Variants in PSMA6 observed in about 807,000 individuals in gnomAD.
PSMA6 encodes the protein proteasome 20S subunit alpha 6.
For missense variants in PSMA6, 170 were observed against 294.8 expected, an observed-to-expected ratio of 0.58 and a Z score of 3.10; for synonymous variants, 88 against 97.7, an observed-to-expected ratio of 0.90 and a Z score of 0.59.
intron 3 of PSMA6, chr14:35,310,188 G>T: frequency 2.8e-6 from 1 of 354,266 alleles, no homozygotes; most frequent in East Asian, 9.0e-5. Flanking sequence ...TCTCTCTCAA[G>T]GCCTTTTTTT....
At position 35,317,381 on chromosome 14, in the gene PSMA6, GGTCCCTGGATT is replaced by G; in HGVS notation, c.*77_*87del. 1 of 1,350,772 alleles carries G rather than the reference GGTCCCTGGATT, an allele frequency of 7.4e-7. No individual in the cohort carries two copies. The highest frequency in any genetic ancestry group is 1.4e-5 in the African/African-American group (1 of 69,594). 83.7% of individuals were successfully genotyped at this position (1,350,772 alleles called of 1,614,324 possible). On this transcript the variant is annotated 3_prime_UTR_variant, in exon 7 of 7. Coordinates refer to ENST00000261479, the MANE Select transcript of PSMA6 (RefSeq NM_002791.3). ...GGTAACAACAAACCAACATCATGGAGGTCCCTGGATTGAAAAAGGAGCCTCTCCCACTCCTC... is the reference window on the plus strand; with the variant it reads ...GGTAACAACAAACCAACATCATGGAGGAAAAAGGAGCCTCTCCCACTCCTC...
chr14:35,315,396 T>TA (rs1420984011), intron 6 of PSMA6: 115 of 145,136 alleles, frequency 7.9e-4, no homozygotes, highest in East Asian at 2.5e-3. Context: ...CATAGGACTT[T>TA]AAAAAAAAAA....
intron 1 of PSMA6, among the ~76,000 whole-genome samples, chr14:35,301,550 C>T (rs1055574396): frequency 2.0e-5 from 3 of 152,036 alleles, no homozygotes; most frequent in Non-Finnish European, 4.4e-5. Context: ...GTTACACTAG[C>T]CACATTTTAT....
chr14:35,280,615 C>G (rs969430568), intron 1 of PSMA6, among the ~76,000 whole-genome samples: 1 of 152,124 alleles, frequency 6.6e-6, no homozygotes, highest in Non-Finnish European at 1.5e-5. Context: ...CTCCTGACCT[C>G]AAGTGATCAG....
At chr14:35,310,594 C>G in intron 3 of PSMA6, 146 bp from the exon 4 acceptor site, 3 of 728,968 alleles carry the variant, frequency 4.1e-6, no homozygotes, top group South Asian at 3.4e-5. Flanking sequence ...ATTTAGTATT[C>G]ATTGGGGGAG....
intron 1 of PSMA6, among the ~76,000 whole-genome samples, chr14:35,302,057 G>GA (rs1387380323): frequency 7.3e-5 from 11 of 151,526 alleles, no homozygotes; most frequent in South Asian, 2.1e-4. Context: ...TTTTTTCTAG[G>GA]AAAAAATCAC....
intron 6 of PSMA6, chr14:35,317,012 A>T: frequency 2.6e-6 from 1 of 384,218 alleles, no homozygotes; most frequent in Non-Finnish European, 4.6e-6. Context: ...TCTAAATCTG[A>T]TGTCAAAGTA....
At chr14:35,292,314 A>C, upstream of PSMA6, 1 of 1,450,054 alleles carries the variant, frequency 6.9e-7, no homozygotes, top group African/African-American at 1.4e-5. Flanking sequence ...CTCAGAGCTC[A>C]GTGCTCGAAC....
At position 35,299,327 on chromosome 14, in the gene PSMA6, C is replaced by CTTTTTTTTTTTTTTTTTTTTTTTT. The variant is rs71445906; in HGVS notation, c.76+6788_76+6789insTTTTTTTTTTTTTTTTTTTTTTTT. The stretch of plus-strand genomic sequence containing the variant: ...TGTGAGCCGCCGCAGTGCCCAGCCT[C>CTTTTTTTTTTTTTTTTTTTTTTTT]TTTTTTTTTTTTTGAGATGGAGTCT... On this transcript the variant is annotated intron_variant, in intron 1 of 6. Coordinates refer to ENST00000261479, the MANE Select transcript of PSMA6 (RefSeq NM_002791.3). 4.4e-4 allele frequency among the ~76,000 whole-genome samples: 29 copies of CTTTTTTTTTTTTTTTTTTTTTTTT among 66,002 alleles called. 10 individuals are homozygous for CTTTTTTTTTTTTTTTTTTTTTTTT. The highest frequency in any genetic ancestry group is 1.2e-3 in the African/African-American group (20 of 17,128). The allele number at this position is 66,002 out of a possible 152,430, so 43.3% of individuals were successfully genotyped here. A position where few individuals can be genotyped will look rare whatever the true frequency, so the allele number is the denominator to read the frequency against.
At chr14:35,315,955 C>G (rs1468523011) in intron 6 of PSMA6, 2 of 152,158 alleles carry the variant, frequency 1.3e-5, no homozygotes, top group Admixed American at 6.5e-5. Flanking sequence ...ACTATTTAAA[C>G]TGCTTGATAT....
chr14:35,303,724 T>C (rs2051764415), intron 1 of PSMA6, among the ~76,000 whole-genome samples: 1 of 152,210 alleles, frequency 6.6e-6, no homozygotes, highest in Non-Finnish European at 1.5e-5. Context: ...CAACCCATAT[T>C]CATGGGTTCA....
chr14:35,282,471 G>C (rs1447479105), intron 1 of PSMA6, among the ~76,000 whole-genome samples: 1 of 151,848 alleles, frequency 6.6e-6, no homozygotes, highest in Non-Finnish European at 1.5e-5. Flanking sequence ...ATGTTTCCCA[G>C]GCTGGTCCTG....
At chr14:35,281,371 T>C (rs1187899611) in intron 1 of PSMA6, among the ~76,000 whole-genome samples, 1 of 152,190 alleles carries the variant, frequency 6.6e-6, no homozygotes, top group Non-Finnish European at 1.5e-5. Flanking sequence ...TGCAAGCAGC[T>C]AATCTCCTGG....
chr14:35,301,958 G>T (rs1345903954), intron 1 of PSMA6, among the ~76,000 whole-genome samples: 1 of 149,934 alleles, frequency 6.7e-6, no homozygotes, highest in Non-Finnish European at 1.5e-5. Flanking sequence ...GTGGAAAACT[G>T]CAAAACACCT....
At chr14:35,279,652 ACT>A (rs1205614614) in intron 1 of PSMA6, among the ~76,000 whole-genome samples, 1 of 152,198 alleles carries the variant, frequency 6.6e-6, no homozygotes, top group Admixed American at 6.5e-5. Flanking sequence ...AAAGAAATAA[ACT>A]CTGGTCAGGC....
At chr14:35,306,578 G>C (rs10151128) in intron 1 of PSMA6, among the ~76,000 whole-genome samples, 17,675 of 151,766 alleles carry the variant, frequency 0.12, 1,106 homozygotes, top group Middle Eastern at 0.17. Context: ...GTGGCGGGCA[G>C]CTGTAATCCC....
chr14:35,304,211 GA>G (rs891550466), intron 1 of PSMA6, among the ~76,000 whole-genome samples: 5 of 152,162 alleles, frequency 3.3e-5, no homozygotes, highest in Non-Finnish European at 7.3e-5. Flanking sequence ...GACTTCAGGT[GA>G]TCTGCCTGTC....
chr14:35,304,551 G>A (rs1215197616), intron 1 of PSMA6, among the ~76,000 whole-genome samples: 1 of 152,040 alleles, frequency 6.6e-6, no homozygotes, highest in Non-Finnish European at 1.5e-5. Context: ...CCAACATGGC[G>A]AAACCTCGTC....
intron 5 of PSMA6, 93 bp from the exon 6 acceptor site, chr14:35,314,268 C>T: frequency 7.6e-7 from 1 of 1,320,096 alleles, no homozygotes; most frequent in Non-Finnish European, 9.9e-7. Flanking sequence ...ACATGGAGCT[C>T]CTGATTGACT....
Sources: gnomAD v4.1 joint callset for allele counts (sites outside exome capture counted in the v4.1 genomes callset) on GRCh38, gnomAD v4.1.1 for gene constraint, MANE v1.5 for transcripts, NCBI Gene and HGNC (gene_info 2026-07-23, HGNC 2026-07-21) for gene names.